Variants in DBT observed in about 807,000 individuals in gnomAD.
DBT encodes the protein dihydrolipoamide branched chain transacylase E2.
Under a neutral mutation model 51.3 loss-of-function variants are expected in DBT, and 40 were observed. The ratio of observed to expected loss-of-function variants is 0.78; its 90% CI spans 0.61 to 1.02. DBT has a LOEUF of 1.02. DBT is among the 50% of genes least tolerant of loss of function. DBT has a pLI of 0.00. For synonymous variants in DBT, 181 were observed against 190.4 expected (o/e 0.95, Z 0.41); for missense variants, 510 against 580.2 (o/e 0.88, Z 1.24).
At chr1:100,205,484 G>A (rs1356764024) in intron 10 of DBT, among the ~76,000 whole-genome samples, 5 of 152,132 alleles carry the variant, frequency 3.3e-5, no homozygotes, top group African/African-American at 1.2e-4. Flanking sequence ...AGATAGAAAC[G>A]CTTTTACACT....
Position 100,240,864 on chromosome 1 carries a change from T to C in DBT, c.72A>G (p.Gln24=), listed in dbSNP as rs200912842. 32 of 1,613,364 alleles carry C rather than the reference T, an allele frequency of 2.0e-5. No homozygotes were observed. The highest frequency in any genetic ancestry group is 2.6e-5 in the Non-Finnish European group (31 of 1,179,588). ...TCAAAACATGAACATTACCACATGT[T>C]TGAAAATAGCGAACACAAATCTACA... is the stretch of plus-strand genomic sequence containing the variant. ...AGKLICVRYF[Q]TCGNVHVLKP... is the part of the protein sequence containing the mutation. Residue 24 remains glutamine (Q), a synonymous_variant, in exon 2 of 11, where the codon CAA becomes CAG. Transcript: ENST00000370132.
At chr1:100,203,038 C>T (rs1397292144) in intron 10 of DBT, among the ~76,000 whole-genome samples, 1 of 152,016 alleles carries the variant, frequency 6.6e-6, no homozygotes, top group Admixed American at 6.6e-5. Context: ...GTTAAAAGAA[C>T]TAGAGAAGCA....
rs749693779 is a variant in DBT, at chr1:100,249,805, T to C, written c.16A>G (p.Met6Val). 23 of 1,614,064 alleles carry C rather than the reference T, an allele frequency of 1.4e-5. No homozygotes were observed. In the Middle Eastern group the frequency reaches 6.6e-4, roughly 46 times the overall value. MAAVR[M>V]LRTWSRNAGK... ...GCATTCCTGCTCCAGGTTCTCAGCA[T>C]ACGGACTGCAGCCATCTTACCCCGG... Residue 6 changes from methionine (M) to valine (V), a missense_variant, in exon 1 of 11, where the codon ATG (methionine) becomes GTG (valine). Met to Val is a conservative substitution (Grantham distance 21). Transcript: ENST00000370132.
Position 100,232,771 on chromosome 1 carries a change from T to A in DBT, c.252-1857A>T, listed in dbSNP as rs944721332. ...GGCCTGTGCCACCATGCCAGGCTAATGGAATGATAATTCTAAAAAAGAAAA... is the reference window on the plus strand; with the variant it reads ...GGCCTGTGCCACCATGCCAGGCTAAAGGAATGATAATTCTAAAAAAGAAAA... On this transcript the variant is annotated intron_variant, in intron 3 of 10. Transcript: ENST00000370132. Among the ~76,000 whole-genome samples the A allele has an allele frequency of 2.0e-5, 3 of 152,084 alleles. No individual in the cohort carries two copies. The East Asian group carries it at 5.8e-4, about 29-fold the overall frequency.
intron 2 of DBT, among the ~76,000 whole-genome samples, chr1:100,239,743 G>A (rs1664095967): frequency 6.6e-6 from 1 of 151,048 alleles, no homozygotes; most frequent in Non-Finnish European, 1.5e-5. Flanking sequence ...CACACCTGTA[G>A]TCCCAGCTAC....
chr1:100,228,158 GC>G (rs1262868312), intron 4 of DBT, among the ~76,000 whole-genome samples: 2 of 152,116 alleles, frequency 1.3e-5, no homozygotes, highest in Non-Finnish European at 2.9e-5. Context: ...CCTGAATTCA[GC>G]CTTTAAAACT....
rs1240795274 is a variant in DBT, at chr1:100,194,846, C to G, written c.*1409G>C. 2.0e-5 allele frequency: 3 copies of G among 152,084 alleles called. No homozygotes were observed. Among genetic ancestry groups the G allele is most frequent in the African/African-American group, 7.2e-5 (3 of 41,404 alleles). 9.4% of individuals were successfully genotyped at this position (152,084 alleles called of 1,614,324 possible). A position where few individuals can be genotyped will look rare whatever the true frequency, so the allele number is the denominator to read the frequency against. On this transcript the variant is annotated 3_prime_UTR_variant, in exon 11 of 11. Transcript: ENST00000370132. ...AAAACCAAGTAGATATTAAAACAAC[C>G]TTTTTTCTGTCACAAAACTTCACTT...
chr1:100,219,395 C>T (rs931779080), intron 4 of DBT, among the ~76,000 whole-genome samples: 5 of 151,894 alleles, frequency 3.3e-5, no homozygotes, highest in Non-Finnish European at 5.9e-5. Context: ...ATAAAATTCT[C>T]ATTTATATTT....
chr1:100,236,883 G>A (rs745608486), intron 2 of DBT, among the ~76,000 whole-genome samples: 7 of 152,122 alleles, frequency 4.6e-5, no homozygotes, highest in Non-Finnish European at 8.8e-5. Context: ...CCGAAGATGC[G>A]GTATGTGGCA....
rs192137406 is a variant in DBT at position 100,208,266 on chromosome 1, T to C, written c.1018-1630A>G. 2.6e-3 allele frequency among the ~76,000 whole-genome samples: 397 copies of C among 152,354 alleles called. 2 individuals carry two copies. Among genetic ancestry groups the C allele is most frequent in the Admixed American group, 5.1e-3 (78 of 15,304 alleles). On this transcript the variant is annotated intron_variant, in intron 8 of 10. Transcript: ENST00000370132. ...ACATAAGTGAATTTCATGTTTGCAC[T>C]TGAGTCCTGTCCTCAAGATATCTCC...
At chr1:100,198,832 G>A (rs1179769405) in intron 10 of DBT, among the ~76,000 whole-genome samples, 1 of 152,120 alleles carries the variant, frequency 6.6e-6, no homozygotes, top group Non-Finnish European at 1.5e-5. Flanking sequence ...CAAATCAAAG[G>A]CTGAAGGAAA....
intron 1 of DBT, among the ~76,000 whole-genome samples, chr1:100,243,597 C>T (rs1472815580): frequency 1.3e-5 from 2 of 152,100 alleles, no homozygotes; most frequent in East Asian, 3.9e-4. Context: ...ACTAGGATTA[C>T]AGGCCATGAG....
At chr1:100,240,653 CAG>C (rs1664160850) in intron 2 of DBT, 106 bp downstream of exon 2, 3 of 904,238 alleles carry the variant, frequency 3.3e-6, no homozygotes, top group Non-Finnish European at 5.5e-6. Context: ...GCTAGAAATA[CAG>C]AGTCAACTTT....
chr1:100,210,309 A>G (rs1313727136), intron 8 of DBT, among the ~76,000 whole-genome samples: 2 of 53,214 alleles, frequency 3.8e-5, no homozygotes, highest in Non-Finnish European at 5.9e-5. Context: ...GACTCTGCCA[A>G]TAATAATAAT....
intron 4 of DBT, among the ~76,000 whole-genome samples, chr1:100,220,835 T>C (rs1662811349): frequency 6.6e-6 from 1 of 152,232 alleles, no homozygotes; most frequent in Non-Finnish European, 1.5e-5. Flanking sequence ...TCAAAGTAGC[T>C]AGAATACAAC....
At chr1:100,221,457 A>C (rs578075423) in intron 4 of DBT, among the ~76,000 whole-genome samples, 437 of 152,238 alleles carry the variant, frequency 2.9e-3, no homozygotes, top group African/African-American at 9.8e-3. Context: ...GTGTTTTTAC[A>C]CATATTTTCT....
At chr1:100,201,247 C>T (rs1252252720) in intron 10 of DBT, among the ~76,000 whole-genome samples, 18 of 151,928 alleles carry the variant, frequency 1.2e-4, no homozygotes, top group South Asian at 2.1e-4. Flanking sequence ...ATGAGAACTT[C>T]GTGAAGCATA....
At chr1:100,248,101 C>CA (rs1003290152) in intron 1 of DBT, among the ~76,000 whole-genome samples, 2,761 of 74,958 alleles carry the variant, frequency 0.037, 38 homozygotes, top group African/African-American at 0.056. Context: ...GACTCCATTT[C>CA]AAAAAAAAAA....
chr1:100,235,129 G>A lies in DBT; in HGVS notation c.251+307C>T, dbSNP rs1663789832. On this transcript the variant is annotated intron_variant, in intron 3 of 10. Transcript: ENST00000370132. ...ATACAAGTAAACTGTATCAGGTAAT[G>A]GTAAGTCAAACATACTTACATTCTT... is the stretch of plus-strand genomic sequence containing the variant. 2.6e-5 allele frequency among the ~76,000 whole-genome samples: 4 copies of A among 151,980 alleles called. 1 individual carries two copies. The South Asian group carries it at 8.3e-4, about 32-fold the overall frequency.
Sources: allele counts gnomAD v4.1 joint callset (sites outside exome capture counted in the v4.1 genomes callset), GRCh38; gene constraint gnomAD v4.1.1; transcripts MANE v1.5; gene names NCBI Gene and HGNC (gene_info 2026-07-23, HGNC 2026-07-21).